Variants in C12orf42 observed in about 807,000 individuals in gnomAD.
C12orf42 encodes the protein uncharacterized protein C12orf42.
In C12orf42, 25 loss-of-function variants were observed where a neutral mutation model predicts 21.6. That is an observed-to-expected ratio of 1.16 (90% CI 0.84 to 1.62). C12orf42 has a LOEUF of 1.62. Among genes scored for constraint, C12orf42 ranks in the 40% most tolerant of loss-of-function variants. The pLI, the probability that C12orf42 is intolerant of heterozygous loss-of-function variation, is 0.00. For synonymous variants in C12orf42, 174 were observed against 175.0 expected (o/e 0.99, Z 0.05); for missense variants, 483 against 459.3 (o/e 1.05, Z -0.47).
the C12orf42 span, among the ~76,000 whole-genome samples, chr12:103,072,859 T>C: frequency 3.9e-5 from 6 of 152,150 alleles, no homozygotes; most frequent in Non-Finnish European, 7.4e-5. Context: ...ATTGTTCTGT[T>C]ATAAAAACAC....
At chr12:103,271,452 G>A (rs1005698825) in intron 5 of C12orf42, among the ~76,000 whole-genome samples, 2 of 152,156 alleles carry the variant, frequency 1.3e-5, no homozygotes, top group Non-Finnish European at 2.9e-5. Context: ...ATGGGAAGGA[G>A]TGAGACCTAT....
At chr12:103,136,245 C>T in the C12orf42 span, among the ~76,000 whole-genome samples, 1 of 151,892 alleles carries the variant, frequency 6.6e-6, no homozygotes. Flanking sequence ...TTTCTATGCA[C>T]CAATAACAAA....
the C12orf42 span, among the ~76,000 whole-genome samples, chr12:103,225,181 A>T: frequency 6.6e-6 from 1 of 152,114 alleles, no homozygotes; most frequent in Non-Finnish European, 1.5e-5. Flanking sequence ...TGGAATAGTG[A>T]GTTGTGGAGG....
intron 10 of C12orf42, among the ~76,000 whole-genome samples, chr12:103,241,512 C>A (rs2033745505): frequency 1.3e-5 from 2 of 152,270 alleles, no homozygotes; most frequent in South Asian, 4.1e-4. Flanking sequence ...GGAGTAGAAA[C>A]AGCACTGCAA....
At chr12:103,269,867 G>C (rs1354792952) in intron 5 of C12orf42, 1 of 152,262 alleles carries the variant, frequency 6.6e-6, no homozygotes, top group African/African-American at 2.4e-5. Context: ...AAATGGCAAA[G>C]GATGGAGGAG....
chr12:103,459,174 T>G (rs1555207002), intron 2 of C12orf42, among the ~76,000 whole-genome samples: 2 of 152,190 alleles, frequency 1.3e-5, no homozygotes, highest in Non-Finnish European at 1.5e-5. Flanking sequence ...CATCTCAGTC[T>G]CTCTGCCATA....
chr12:103,486,767 T>C (rs927390977), intron 1 of C12orf42, among the ~76,000 whole-genome samples: 1 of 152,212 alleles, frequency 6.6e-6, no homozygotes, highest in Admixed American at 6.5e-5. Context: ...TACAGTATTA[T>C]CTGATAGTAG....
intron 3 of C12orf42, among the ~76,000 whole-genome samples, chr12:103,384,595 C>G (rs1307544557): frequency 6.6e-6 from 1 of 152,168 alleles, no homozygotes; most frequent in Non-Finnish European, 1.5e-5. Flanking sequence ...TGAGGGCTAA[C>G]CATTCAAGAC....
At chr12:103,070,515 T>C in the C12orf42 span, among the ~76,000 whole-genome samples, 10 of 120,052 alleles carry the variant, frequency 8.3e-5, no homozygotes, top group African/African-American at 2.2e-4. Context: ...TACATACACA[T>C]ACACACACAC....
At chr12:103,528,595 T>C in the C12orf42 span, among the ~76,000 whole-genome samples, 1 of 152,178 alleles carries the variant, frequency 6.6e-6, no homozygotes, top group African/African-American at 2.4e-5. Context: ...TCCTCTCTCT[T>C]GCCTCCTCCC....
At chr12:103,306,714 C>T (rs2038372885) in intron 4 of C12orf42, among the ~76,000 whole-genome samples, 1 of 152,124 alleles carries the variant, frequency 6.6e-6, no homozygotes, top group Non-Finnish European at 1.5e-5. Flanking sequence ...TCACCCCCTC[C>T]CCTCCCTGCC....
chr12:103,470,080 C>A (rs552968565), intron 2 of C12orf42, among the ~76,000 whole-genome samples: 1 of 152,268 alleles, frequency 6.6e-6, no homozygotes, highest in African/African-American at 2.4e-5. Context: ...AGGACTAAAA[C>A]CCAAGAATTC....
intron 2 of C12orf42, among the ~76,000 whole-genome samples, chr12:103,457,260 A>G (rs187415447): frequency 2.6e-5 from 4 of 152,350 alleles, no homozygotes; most frequent in African/African-American, 9.6e-5. Flanking sequence ...ACATGAAGAT[A>G]TAACCGAATT....
chr12:103,457,761 T>C (rs1952406892), intron 2 of C12orf42, among the ~76,000 whole-genome samples: 1 of 152,208 alleles, frequency 6.6e-6, no homozygotes, highest in Admixed American at 6.5e-5. Flanking sequence ...TTCACGTTTA[T>C]ATGCTCTGCC....
At chr12:103,459,194 G>A (rs180845854) in intron 2 of C12orf42, among the ~76,000 whole-genome samples, 11 of 152,230 alleles carry the variant, frequency 7.2e-5, no homozygotes, top group Admixed American at 1.3e-4. Context: ...ACTTGGCCAC[G>A]GGCTGAGAGC....
At chr12:103,182,498 T>C in the C12orf42 span, among the ~76,000 whole-genome samples, 1 of 152,168 alleles carries the variant, frequency 6.6e-6, no homozygotes, top group African/African-American at 2.4e-5. Flanking sequence ...GTTCTACCCA[T>C]GTGATAGCAT....
chr12:103,381,574 G>A (rs1195498102), intron 3 of C12orf42, among the ~76,000 whole-genome samples: 2 of 152,148 alleles, frequency 1.3e-5, no homozygotes, highest in South Asian at 2.1e-4. Flanking sequence ...AAGCACAGAC[G>A]CTGGAGCTAG....
At position 103,306,096 on chromosome 12, in the gene C12orf42, A is replaced by G. The variant is rs1274966373; in HGVS notation, c.509T>C (p.Leu170Pro). The part of the protein sequence containing the change: ...QAWNSSFLEQ[L>P]VKKPNWAHSV... Reference sequence around the variant, plus strand: ...GTGTGCCCAGTTAGGCTTTTTAACCAGTTGTTCCAAAAATGAACTGTTCCA... The same window carrying G: ...GTGTGCCCAGTTAGGCTTTTTAACCGGTTGTTCCAAAAATGAACTGTTCCA... The change falls in exon 5 of 6, where the codon CTG becomes CCG. Residue 170 changes from leucine (L) to proline (P), a missense_variant. Leu to Pro is a moderately conservative substitution (Grantham distance 98). Transcript: ENST00000548883. 5 of 1,613,840 alleles carry G rather than the reference A, an allele frequency of 3.1e-6. No homozygotes were observed. Among genetic ancestry groups the G allele is most frequent in the Middle Eastern group, 1.6e-4 (1 of 6,084 alleles).
chr12:103,455,613 G>A (rs898631344), intron 2 of C12orf42, among the ~76,000 whole-genome samples: 4 of 152,088 alleles, frequency 2.6e-5, no homozygotes, highest in Non-Finnish European at 5.9e-5. Flanking sequence ...CAAGATCCCT[G>A]GGGGTGTGAG....
Sources: allele counts gnomAD v4.1 joint callset (sites outside exome capture counted in the v4.1 genomes callset), GRCh38; gene constraint gnomAD v4.1.1; transcripts MANE v1.5; gene names NCBI Gene and HGNC (gene_info 2026-07-23, HGNC 2026-07-21).